Variants in GPC2 observed in about 807,000 individuals in gnomAD.
GPC2 encodes the protein glypican-2.
In GPC2, 42 loss-of-function variants were observed where a neutral mutation model predicts 57.3. That is an observed-to-expected ratio of 0.73 (90% CI 0.57 to 0.95). GPC2 has a LOEUF of 0.95. Ranked by LOEUF, GPC2 falls within the 40% of genes least tolerant of loss-of-function variation. The pLI is 0.00. For missense variants in GPC2, 745 were observed against 793.6 expected (o/e 0.94, Z 0.74); for synonymous variants, 364 against 343.4 (o/e 1.06, Z -0.66).
intron 5 of GPC2, chr7:100,173,498 C>T (rs1319611668): frequency 5.6e-6 from 1 of 177,132 alleles, no homozygotes; most frequent in African/African-American, 2.4e-5. Context: ...GGCTGGCCTC[C>T]AACTCCTGGC....
At position 100,171,965 on chromosome 7, in the gene GPC2, G is replaced by C. The variant is rs981171668; in HGVS notation, c.1024-40C>G. ...AGAGACCTCACACAGTCACCCTGGG[G>C]GGAAACCACACTGCGTCCCCACTCT... On this transcript the variant is annotated intron_variant, in intron 6 of 9. Transcript: ENST00000292377. The surrounding 1 kb of genome is among the most constrained non-coding windows in gnomAD (Gnocchi z 4.8). 2.0e-5 allele frequency: 31 copies of C among 1,546,384 alleles called. No homozygotes were observed. Among genetic ancestry groups the C allele is most frequent in the Non-Finnish European group, 2.3e-5 (26 of 1,147,860 alleles).
chr7:100,176,292 C>T lies in GPC2; in HGVS notation c.240G>A (p.Glu80=). 1.2e-6 allele frequency: 2 copies of T among 1,614,128 alleles called. No homozygotes were observed. The highest frequency in any genetic ancestry group is 1.7e-6 in the Non-Finnish European group (2 of 1,179,980). The change falls in exon 2 of 10, where the codon GAG becomes GAA. Residue 80 remains glutamate (E), a synonymous_variant. Transcript: ENST00000292377. ...CCAGGCCTCGGAAGGTGGCCTCAGT[C>T]TCCCTGATCAGCCTCTGCTCTGTCT... is the stretch of plus-strand genomic sequence containing the variant. ...SSETEQRLIR[E]TEATFRGLVE... is the part of the protein sequence containing the mutation.
At position 100,176,217 on chromosome 7, in the gene GPC2, T is replaced by G; in HGVS notation, c.315A>C (p.Arg105Ser). Residue 105 changes from arginine (R) to serine (S), a missense_variant, in exon 2 of 10, where the codon AGA becomes AGC. Transcript: ENST00000292377. ...FLVHTLAARH[R>S]KFDEFFLEML... ...ACCCCAGGTCCTCACCATCAAATTT[T>G]CTGTGCCTGGCAGCCAGTGTGTGAA... The G allele has an allele frequency of 6.2e-7, 1 of 1,608,558 alleles. No individual in the cohort carries two copies. The highest frequency in any genetic ancestry group is 8.5e-7 in the Non-Finnish European group (1 of 1,177,260).
intron 4 of GPC2, 92 bp from the exon 5 acceptor site, chr7:100,174,089 C>T: frequency 8.5e-7 from 1 of 1,178,362 alleles, no homozygotes; most frequent in Non-Finnish European, 1.2e-6. Context: ...ATCACATACC[C>T]CACCCTACAC....
chr7:100,170,866 G>A (rs1281711492), intron 9 of GPC2, among the ~76,000 whole-genome samples: 1 of 152,090 alleles, frequency 6.6e-6, no homozygotes, highest in Non-Finnish European at 1.5e-5. Flanking sequence ...GATAGAAGGA[G>A]AGAAGAAAAC....
At position 100,171,294 on chromosome 7, in the gene GPC2, C is replaced by A. The variant is rs1325866373; in HGVS notation, c.1453G>T (p.Ala485Ser). Reference sequence around the variant, plus strand: ...TGCCCGTCCAGGTCGTGTCCCAGTGCGGCCGTTTTCATTCTGGCCGTGGCC... The same window carrying A: ...TGCCCGTCCAGGTCGTGTCCCAGTGAGGCCGTTTTCATTCTGGCCGTGGCC... ...RAATARMKTA[A>S]LGHDLDGQDA... is the part of the protein sequence containing the mutation. Residue 485 changes from alanine (A) to serine (S), a missense_variant, in exon 9 of 10, where the codon GCA becomes TCA. Transcript: ENST00000292377. The surrounding 1 kb of genome is among the most constrained non-coding windows in gnomAD (Gnocchi z 4.8). The A allele has an allele frequency of 6.5e-7, 1 of 1,537,362 alleles. No individual in the cohort carries two copies. Among genetic ancestry groups the A allele is most frequent in the Admixed American group, 2.0e-5 (1 of 50,390 alleles).
At chr7:100,175,530 T>C in intron 3 of GPC2, 42 bp downstream of exon 3, 1 of 1,505,220 alleles carries the variant, frequency 6.6e-7, no homozygotes, top group Non-Finnish European at 9.1e-7. Context: ...CAGGGGTCAC[T>C]AGGTCAGAAG....
At chr7:100,176,990 C>A in intron 1 of GPC2, 44 bp downstream of exon 1, 1 of 300,146 alleles carries the variant, frequency 3.3e-6, no homozygotes, top group Non-Finnish European at 6.6e-6. Flanking sequence ...GGCCCCGCCC[C>A]CGCCCCCCAC....
Position 100,171,549 on chromosome 7 carries a change from C to A in GPC2, c.1300G>T (p.Gly434Trp). The A allele has an allele frequency of 6.9e-7, 1 of 1,457,994 alleles. No individual in the cohort carries two copies. 90.3% of individuals were successfully genotyped at this position (1,457,994 alleles called of 1,614,324 possible). A position where few individuals can be genotyped will look rare whatever the true frequency, so the allele number is the denominator to read the frequency against. The change falls in exon 8 of 10, where the codon GGG becomes TGG. Residue 434 changes from glycine (G) to tryptophan (W), a missense_variant. Physicochemically the swap from Gly to Trp is radical, Grantham distance 184. Around this residue, in one of 2 missense-constraint regions of GPC2, gnomAD observed 607 missense variants for 603.9 expected, o/e 1.01. Transcript: ENST00000292377. This position sits in a 1 kb window ranked among gnomAD's most constrained non-coding sequence, Gnocchi z 4.8. Reference sequence around the variant, plus strand: ...GCCCCCGAGGCTCACCGGCCCCGCCCGGCTCCGGTCCAGCAGGGCGCCGCC... The same window carrying A: ...GCCCCCGAGGCTCACCGGCCCCGCCAGGCTCCGGTCCAGCAGGGCGCCGCC... Reference protein sequence around the residue: ...LEAAPCWTGAGRGRYLPPVVG... With the variant: ...LEAAPCWTGAWRGRYLPPVVG...
chr7:100,172,697 A>ATGTGTG (rs1562957593), intron 5 of GPC2, among the ~76,000 whole-genome samples: 3 of 141,860 alleles, frequency 2.1e-5, no homozygotes, highest in African/African-American at 8.3e-5. Context: ...ATATATATAT[A>ATGTGTG]CGTGTATATA....
At position 100,170,054 on chromosome 7, in the gene GPC2, T is replaced by C. The variant is rs1799150113; in HGVS notation, c.*176A>G. 1.1e-5 allele frequency: 6 copies of C among 531,544 alleles called. No homozygotes were observed. Among genetic ancestry groups the C allele is most frequent in the Non-Finnish European group, 1.9e-5 (6 of 309,424 alleles). The allele number at this position is 531,544 out of a possible 1,614,324, so 32.9% of individuals were successfully genotyped here. A position where few individuals can be genotyped will look rare whatever the true frequency, so the allele number is the denominator to read the frequency against. On this transcript the variant is annotated 3_prime_UTR_variant, in exon 10 of 10. Coordinates refer to ENST00000292377, the MANE Select transcript of GPC2 (RefSeq NM_152742.3). ...TTACCAAATGAAAAAATAAATATTGTGAACACCCACCCACCTCTGATGAAA... is the reference window on the plus strand; with the variant it reads ...TTACCAAATGAAAAAATAAATATTGCGAACACCCACCCACCTCTGATGAAA...
chr7:100,173,682 C>T (rs73159743), intron 5 of GPC2, 153 bp downstream of exon 5: 103 of 457,436 alleles, frequency 2.3e-4, no homozygotes, highest in Middle Eastern at 6.7e-4. Flanking sequence ...TTCTCTCTCT[C>T]TCTTTCTTTC....
Position 100,177,210 on chromosome 7 carries a change from A to T in GPC2, c.-11T>A. On this transcript the variant is annotated 5_prime_UTR_variant, in exon 1 of 10. Transcript: ENST00000292377. ...TCGCAGCGCGGACATAACTGCAGCC[A>T]CCCCAGGACGGCAAAGTGGGTCCTA... is the stretch of plus-strand genomic sequence containing the variant. 1 of 1,606,680 alleles carries T rather than the reference A, an allele frequency of 6.2e-7. No homozygotes were observed. Among genetic ancestry groups the T allele is most frequent in the Non-Finnish European group, 8.5e-7 (1 of 1,176,200 alleles).
intron 3 of GPC2, among the ~76,000 whole-genome samples, chr7:100,175,247 G>A (rs1188482445): frequency 1.3e-5 from 2 of 152,226 alleles, no homozygotes; most frequent in Non-Finnish European, 2.9e-5. Context: ...TGAACCAGAG[G>A]AAGTCAAGGT....
At chr7:100,172,245 A>AT (rs1799192362) in intron 5 of GPC2, 28 bp from the exon 6 acceptor site, 2 of 1,611,694 alleles carry the variant, frequency 1.2e-6, no homozygotes, top group South Asian at 2.2e-5. Flanking sequence ...AAGAGAAAGG[A>AT]TGGGATGAGT....
chr7:100,176,485 T>C lies in GPC2; in HGVS notation c.167-120A>G. The stretch of plus-strand genomic sequence containing the variant: ...CCTGCCTGGTCTCTTTTCTATTGTC[T>C]GCACCCTCTTCCCTACCTGAACCTA... On this transcript the variant is annotated intron_variant, in intron 1 of 9. Coordinates refer to ENST00000292377, the MANE Select transcript of GPC2 (RefSeq NM_152742.3). The C allele has an allele frequency of 4.3e-6, 4 of 933,866 alleles. No homozygotes were observed. The South Asian group carries it at 6.6e-5, about 15-fold the overall frequency. 57.8% of individuals were successfully genotyped at this position (933,866 alleles called of 1,614,324 possible).
At chr7:100,175,427 C>T in intron 3 of GPC2, 145 bp downstream of exon 3, 1 of 661,708 alleles carries the variant, frequency 1.5e-6, no homozygotes, top group East Asian at 2.7e-5. Flanking sequence ...GGATAGGGAT[C>T]ACCAGGTCAG....
Position 100,171,194 on chromosome 7 carries a change from T to C in GPC2, c.1486+67A>G. 2.9e-6 allele frequency: 4 copies of C among 1,366,380 alleles called. No homozygotes were observed. The South Asian group carries it at 4.2e-5, about 14-fold the overall frequency. The allele number at this position is 1,366,380 out of a possible 1,614,324, so 84.6% of individuals were successfully genotyped here. A position where few individuals can be genotyped will look rare whatever the true frequency, so the allele number is the denominator to read the frequency against. ...TAAGAGCAGAGGCACGGGCGGGAAC[T>C]ACCAGGAGAGGGGAGAGGCTTCAGG... On this transcript the variant is annotated intron_variant, in intron 9 of 9. Coordinates refer to ENST00000292377, the MANE Select transcript of GPC2 (RefSeq NM_152742.3). The surrounding 1 kb of genome is among the most constrained non-coding windows in gnomAD (Gnocchi z 4.8).
At position 100,175,937 on chromosome 7, in the gene GPC2, A is replaced by G. The variant is rs115660268; in HGVS notation, c.326-43T>C. On this transcript the variant is annotated intron_variant, in intron 2 of 9. Coordinates refer to ENST00000292377, the MANE Select transcript of GPC2 (RefSeq NM_152742.3). ...AACAGGTGGAAGGCAGGTCAGGCCAAAGAATGGGGAGAAAAGTGAACAGGC... is the reference window on the plus strand; with the variant it reads ...AACAGGTGGAAGGCAGGTCAGGCCAGAGAATGGGGAGAAAAGTGAACAGGC... The G allele has an allele frequency of 3.7e-3, 5,631 of 1,534,920 alleles. 194 individuals carry two copies. The African/African-American group carries it at 0.068, about 18-fold the overall frequency.
Sources: gnomAD v4.1 joint callset for allele counts (sites outside exome capture counted in the v4.1 genomes callset) on GRCh38, gnomAD v4.1.1 for gene constraint, gnomAD v4.1.1 regional missense constraint, Gnocchi (gnomAD v3.1) non-coding constraint, MANE v1.5 for transcripts, NCBI Gene and HGNC (gene_info 2026-07-23, HGNC 2026-07-21) for gene names.